The following ANKRD11 variants were observed in gnomAD, a reference collection of about 807,000 sequenced individuals.
ANKRD11 encodes the protein ankyrin repeat domain-containing protein 11.
ANKRD11 carries 17 observed loss-of-function variants against 195.7 expected under a neutral mutation model. The observed-to-expected ratio is 0.09, with a 90% CI of 0.06 to 0.13. ANKRD11 has a LOEUF of 0.13. ANKRD11 is among the 10% of genes least tolerant of loss of function. The pLI, the probability that ANKRD11 is intolerant of heterozygous loss-of-function variation, is 1.00. For synonymous variants in ANKRD11, 1,953 were observed against 1,528.1 expected, an observed-to-expected ratio of 1.28 and a Z score of -6.49; for missense variants, 3,735 against 3,566.1, an observed-to-expected ratio of 1.05 and a Z score of -1.21.
chr16:89,345,587 G>T (rs2038902557), intron 2 of ANKRD11, among the ~76,000 whole-genome samples: 1 of 152,204 alleles, frequency 6.6e-6, no homozygotes. Context: ...CCAGTCTCAG[G>T]CATTTTGTTA....
At chr16:89,333,139 G>T (rs1419326198) in intron 2 of ANKRD11, among the ~76,000 whole-genome samples, 1 of 152,194 alleles carries the variant, frequency 6.6e-6, no homozygotes, top group Non-Finnish European at 1.5e-5. Context: ...AATGCTCTGG[G>T]AACTCCAGTC....
Position 89,284,623 on chromosome 16 carries a change from T to C in ANKRD11, c.1919A>G (p.Asn640Ser), listed in dbSNP as rs1363455179. Residue 640 changes from asparagine to serine, a missense_variant, in exon 9 of 13, where the codon AAC becomes AGC. By Grantham distance (46) the Asn-to-Ser change is conservative. Coordinates refer to ENST00000301030, the MANE Select transcript of ANKRD11 (RefSeq NM_013275.6). ...GATGGAACACTGTCCCTTCTCCTTG[T>C]TTTTGTGTTTGTGTTTTGTTTTATG... is the stretch of plus-strand genomic sequence containing the variant. ...KKHKTKHKHK[N>S]KEKGQCSISQ... The C allele has an allele frequency of 6.2e-7, 1 of 1,614,066 alleles. No homozygotes were observed. The highest frequency in any genetic ancestry group is 1.7e-5 in the Admixed American group (1 of 60,008).
rs2034120090 is a variant in ANKRD11 at position 89,280,504 on chromosome 16, GCCTC to G, written c.6034_6037del (p.Glu2012ArgfsTer74). 6.2e-7 allele frequency: 1 copy of G among 1,601,082 alleles called. No individual in the cohort carries two copies. The highest frequency in any genetic ancestry group is 1.7e-5 in the Admixed American group (1 of 58,736). On this transcript the variant is annotated frameshift_variant, in exon 9 of 13. Transcript: ENST00000301030. LOFTEE classifies it high-confidence loss of function. ...AGAGGCGGGAGGGGCGGGGTACGGC[GCCTC>G]CGAGGCGCTGAAGGGCCCTGGGGCG...
intron 2 of ANKRD11, among the ~76,000 whole-genome samples, chr16:89,388,352 G>A (rs887896598): frequency 7.4e-6 from 1 of 135,744 alleles, no homozygotes; most frequent in South Asian, 2.3e-4. Flanking sequence ...GGCTGGTCTT[G>A]AACTCCTGAC....
intron 1 of ANKRD11, among the ~76,000 whole-genome samples, chr16:89,420,679 G>A (rs922489827): frequency 2.0e-4 from 31 of 152,134 alleles, no homozygotes; most frequent in Admixed American, 3.3e-4. Flanking sequence ...CTGGAAGACA[G>A]TACCAATCCA....
intron 1 of ANKRD11, among the ~76,000 whole-genome samples, chr16:89,434,615 C>CTT (rs2043137019): frequency 1.3e-5 from 2 of 152,180 alleles, no homozygotes; most frequent in African/African-American, 4.8e-5. Flanking sequence ...CAATCCATGC[C>CTT]TATAAATTCC....
At chr16:89,430,279 G>C (rs553560884) in intron 1 of ANKRD11, among the ~76,000 whole-genome samples, 648 of 52,892 alleles carry the variant, frequency 0.012, no homozygotes, top group Admixed American at 0.016. Flanking sequence ...TCAACTCTCA[G>C]GCTCAGTCGT....
chr16:89,352,058 C>T (rs1013222782), intron 2 of ANKRD11, among the ~76,000 whole-genome samples: 4 of 152,078 alleles, frequency 2.6e-5, no homozygotes, highest in Non-Finnish European at 4.4e-5. Flanking sequence ...GCCACCAGGC[C>T]CAGGTAATTT....
Position 89,288,216 on chromosome 16 carries a change from C to T in ANKRD11, c.744+312G>A. The T allele has an allele frequency of 6.5e-6, 4 of 610,792 alleles. No homozygotes were observed. The East Asian group carries it at 1.1e-4, about 17-fold the overall frequency. The allele number at this position is 610,792 out of a possible 1,614,324, so 37.8% of individuals were successfully genotyped here. On this transcript the variant is annotated intron_variant, in intron 7 of 12. Coordinates refer to ENST00000301030, the MANE Select transcript of ANKRD11 (RefSeq NM_013275.6). ...CAGTGGTGACGGGGACCGGCAGCAA[C>T]TCCTGCAGGCCTCCTTCCACTTGGT...
intron 1 of ANKRD11, among the ~76,000 whole-genome samples, chr16:89,483,550 C>T (rs2057510336): frequency 6.6e-6 from 1 of 152,150 alleles, no homozygotes; most frequent in Non-Finnish European, 1.5e-5. Flanking sequence ...ATGTTTAGGC[C>T]GGGCATGGTG....
chr16:89,284,572 A>G lies in ANKRD11; in HGVS notation c.1970T>C (p.Phe657Ser), dbSNP rs374714172. The G allele has an allele frequency of 6.2e-7, 1 of 1,614,108 alleles. No homozygotes were observed. The highest frequency in any genetic ancestry group is 2.2e-5 in the East Asian group (1 of 44,878). The change falls in exon 9 of 13, where the codon TTT (phenylalanine) becomes TCT (serine). Residue 657 changes from phenylalanine to serine, a missense_variant. By Grantham distance (155) the Phe-to-Ser change is radical. Coordinates refer to ENST00000301030, the MANE Select transcript of ANKRD11 (RefSeq NM_013275.6). ...CTTGGAGTCCTCATATTCGTAAGTA[A>G]AACTTTTCAACTTCAGCTCTTGGCT... ...SISQELKLKS[F>S]TYEYEDSKQK...
At chr16:89,367,909 T>C (rs1172783263) in intron 2 of ANKRD11, among the ~76,000 whole-genome samples, 1 of 151,976 alleles carries the variant, frequency 6.6e-6, no homozygotes, top group African/African-American at 2.4e-5. Context: ...GAGGCTGAGG[T>C]GGGAGGATCA....
chr16:89,475,396 G>T (rs761753081), intron 1 of ANKRD11, among the ~76,000 whole-genome samples: 1 of 152,016 alleles, frequency 6.6e-6, no homozygotes, highest in African/African-American at 2.4e-5. Flanking sequence ...TGAAAGCCCC[G>T]TAACCCACCA....
intron 1 of ANKRD11, among the ~76,000 whole-genome samples, chr16:89,461,035 C>T (rs1244288878): frequency 8.9e-6 from 1 of 112,468 alleles, no homozygotes; most frequent in Non-Finnish European, 1.7e-5. Context: ...GGACAAATAT[C>T]GTATGACCAC....
intron 2 of ANKRD11, chr16:89,323,847 C>A (rs185276859): frequency 5.6e-4 from 127 of 227,534 alleles, no homozygotes; most frequent in African/African-American, 2.9e-3. Flanking sequence ...GCAAAGGACT[C>A]CTAACATGGG....
chr16:89,367,503 G>A (rs1771488115), intron 2 of ANKRD11, among the ~76,000 whole-genome samples: 1 of 152,180 alleles, frequency 6.6e-6, no homozygotes, highest in African/African-American at 2.4e-5. Flanking sequence ...AGCTGCCATG[G>A]TCACCCACGC....
At chr16:89,371,063 G>C (rs1193730925) in intron 2 of ANKRD11, among the ~76,000 whole-genome samples, 1 of 152,182 alleles carries the variant, frequency 6.6e-6, no homozygotes, top group Non-Finnish European at 1.5e-5. Context: ...AAGGGGACTT[G>C]TTCAGGTGAG....
At position 89,337,007 on chromosome 16, in the gene ANKRD11, C is replaced by CAA. The variant is rs60248736; in HGVS notation, c.-59-19931_-59-19930dup. ...CAACATGGTGAAACCCTGGCTCTAC[C>CAA]AAAAAAAAAAAAAAAAAAAAAAAAA... On this transcript the variant is annotated intron_variant, in intron 2 of 12. Transcript: ENST00000301030. 6.5e-3 allele frequency among the ~76,000 whole-genome samples: 311 copies of CAA among 47,726 alleles called. 14 individuals are homozygous for CAA. Among genetic ancestry groups the CAA allele is most frequent in the Admixed American group, 0.04 (125 of 3,140 alleles). The allele number at this position is 47,726 out of a possible 152,430, so 31.3% of individuals were successfully genotyped here.
chr16:89,304,939 C>G (rs2036088552), intron 4 of ANKRD11, among the ~76,000 whole-genome samples: 1 of 152,226 alleles, frequency 6.6e-6, no homozygotes, highest in Admixed American at 6.5e-5. Context: ...TCGCCCAGGG[C>G]TGGACATGCA....
Sources: allele counts gnomAD v4.1 joint callset (sites outside exome capture counted in the v4.1 genomes callset), GRCh38; gene constraint gnomAD v4.1.1; transcripts MANE v1.5; gene names NCBI Gene and HGNC (gene_info 2026-07-23, HGNC 2026-07-21).